FILIP1L: variants seen among roughly 807,000 people sequenced by gnomAD.
FILIP1L encodes the protein filamin A-interacting protein 1-like.
In FILIP1L, 55 loss-of-function variants were observed where a neutral mutation model predicts 96.6. That is an observed-to-expected ratio of 0.57 (90% CI 0.46 to 0.71). The LOEUF is 0.71. Ranked by LOEUF, FILIP1L falls within the 30% of genes least tolerant of loss-of-function variation. The probability of loss-of-function intolerance (pLI) is 0.00; values close to 1 mark genes in which losing one functional copy is unlikely to be tolerated. For missense variants in FILIP1L, 1,304 were observed against 1,321.2 expected (o/e 0.99, Z 0.20); for synonymous variants, 467 against 473.9 (o/e 0.99, Z 0.19).
intron 4 of FILIP1L, among the ~76,000 whole-genome samples, chr3:99,877,159 G>A (rs983001395): frequency 6.6e-5 from 10 of 152,172 alleles, no homozygotes; most frequent in Admixed American, 1.3e-4. Context: ...ATATGAATCT[G>A]CTAAATAAAT....
chr3:100,017,861 T>G (rs1710390541), intron 1 of FILIP1L, among the ~76,000 whole-genome samples: 1 of 152,200 alleles, frequency 6.6e-6, no homozygotes. Flanking sequence ...ATCAGCTTTC[T>G]ATTTCTCAGG....
intron 1 of FILIP1L, among the ~76,000 whole-genome samples, chr3:100,074,756 C>T (rs1318428169): frequency 2.5e-5 from 3 of 122,262 alleles, no homozygotes; most frequent in Admixed American, 1.0e-4. Flanking sequence ...TACAATGGCA[C>T]GATCTTGGCT....
chr3:100,047,426 C>T (rs1487777715), intron 1 of FILIP1L, among the ~76,000 whole-genome samples: 1 of 152,148 alleles, frequency 6.6e-6, no homozygotes, highest in Non-Finnish European at 1.5e-5. Flanking sequence ...TATGACTTAA[C>T]TCCAAATTCT....
At chr3:99,922,003 G>A (rs1216399137) in intron 4 of FILIP1L, among the ~76,000 whole-genome samples, 1 of 152,136 alleles carries the variant, frequency 6.6e-6, no homozygotes, top group Non-Finnish European at 1.5e-5. Context: ...CCAGAAGATA[G>A]TAGAGATACA....
chr3:99,883,660 T>G (rs1256640722), intron 4 of FILIP1L, among the ~76,000 whole-genome samples: 1 of 152,228 alleles, frequency 6.6e-6, no homozygotes, highest in Non-Finnish European at 1.5e-5. Flanking sequence ...GTACTGCTTC[T>G]GTGATAATCT....
At chr3:100,085,779 G>T (rs1448217085) in intron 1 of FILIP1L, among the ~76,000 whole-genome samples, 1 of 152,124 alleles carries the variant, frequency 6.6e-6, no homozygotes, top group Non-Finnish European at 1.5e-5. Context: ...CTCCTAAGTG[G>T]CCAAATAAAA....
intron 1 of FILIP1L, among the ~76,000 whole-genome samples, chr3:100,057,033 T>C (rs1411191016): frequency 6.6e-6 from 1 of 152,044 alleles, no homozygotes; most frequent in Non-Finnish European, 1.5e-5. Flanking sequence ...AAGTGATTTT[T>C]CCCACAACTT....
chr3:100,103,776 T>G (rs914427136), intron 1 of FILIP1L, among the ~76,000 whole-genome samples: 3 of 152,206 alleles, frequency 2.0e-5, no homozygotes, highest in Non-Finnish European at 4.4e-5. Context: ...ATAAACATGT[T>G]TGTTCAAATA....
intron 5 of FILIP1L, among the ~76,000 whole-genome samples, chr3:99,842,830 A>C (rs1440570540): frequency 6.6e-6 from 1 of 152,182 alleles, no homozygotes; most frequent in Non-Finnish European, 1.5e-5. Context: ...AAGTGCTCCC[A>C]TGTAAATGGT....
At chr3:99,995,628 A>G (rs1709655699) in intron 1 of FILIP1L, among the ~76,000 whole-genome samples, 1 of 152,230 alleles carries the variant, frequency 6.6e-6, no homozygotes, top group Non-Finnish European at 1.5e-5. Flanking sequence ...CTTCCCCTGC[A>G]GCAAACTTCT....
At chr3:99,951,647 C>A (rs1359427766) in intron 1 of FILIP1L, among the ~76,000 whole-genome samples, 1 of 152,176 alleles carries the variant, frequency 6.6e-6, no homozygotes, top group Non-Finnish European at 1.5e-5. Context: ...ACCACATATA[C>A]ACAGTCCCCA....
intron 4 of FILIP1L, among the ~76,000 whole-genome samples, chr3:99,856,779 CATATA>C (rs1367080104): frequency 1.7e-4 from 26 of 152,276 alleles, no homozygotes; most frequent in Non-Finnish European, 7.4e-5. Flanking sequence ...TTTGCAGACA[CATATA>C]ATATATGTCA....
chr3:100,031,124 T>C (rs2065015355), intron 1 of FILIP1L, among the ~76,000 whole-genome samples: 1 of 152,190 alleles, frequency 6.6e-6, no homozygotes, highest in African/African-American at 2.4e-5. Context: ...TAGAACATAT[T>C]TTCCTAGACA....
chr3:100,107,890 A>G (rs2066421512), intron 1 of FILIP1L, among the ~76,000 whole-genome samples: 1 of 151,940 alleles, frequency 6.6e-6, no homozygotes, highest in Non-Finnish European at 1.5e-5. Context: ...AAAAAAAAAA[A>G]AAAAAGTTAC....
rs560872448 is a variant in FILIP1L, at chr3:100,033,133, A to G, written c.-11+80920T>C. On this transcript the variant is annotated intron_variant, in intron 1 of 5. Coordinates refer to ENST00000477258, the MANE Select transcript of FILIP1L (RefSeq NM_001387850.1). ...GGATAGCATTACTTTATAAATATTA[A>G]TTTTACTCTGTGGTTACTGTATGGT... Among the ~76,000 whole-genome samples the G allele has an allele frequency of 6.6e-5, 10 of 152,238 alleles. No individual in the cohort carries two copies. In the East Asian group the frequency reaches 1.9e-3, roughly 29 times the overall value.
chr3:100,107,320 GA>G (rs760888125), intron 1 of FILIP1L, among the ~76,000 whole-genome samples: 5 of 152,126 alleles, frequency 3.3e-5, no homozygotes, highest in Non-Finnish European at 7.4e-5. Context: ...TGCCATCTGG[GA>G]AAATGACAAA....
chr3:99,935,791 T>C (rs954751206), intron 1 of FILIP1L, among the ~76,000 whole-genome samples: 2 of 152,200 alleles, frequency 1.3e-5, no homozygotes, highest in Admixed American at 1.3e-4. Context: ...TTTTCCTATG[T>C]AGTTCCTTTA....
At chr3:99,890,615 A>G (rs1003595896) in intron 4 of FILIP1L, among the ~76,000 whole-genome samples, 6 of 151,906 alleles carry the variant, frequency 3.9e-5, no homozygotes, top group Non-Finnish European at 7.4e-5. Context: ...ACTAATTCTC[A>G]TTCCTTGATC....
At chr3:99,991,466 A>G (rs1709507691) in intron 1 of FILIP1L, among the ~76,000 whole-genome samples, 1 of 152,084 alleles carries the variant, frequency 6.6e-6, no homozygotes, top group South Asian at 2.1e-4. Flanking sequence ...TTTTATGTTT[A>G]TATATTTAGG....
Sources: gnomAD v4.1 joint callset for allele counts (sites outside exome capture counted in the v4.1 genomes callset) on GRCh38, gnomAD v4.1.1 for gene constraint, MANE v1.5 for transcripts, NCBI Gene and HGNC (gene_info 2026-07-23, HGNC 2026-07-21) for gene names.